Variants in MAF observed in about 807,000 individuals in gnomAD.
MAF encodes MAF bZIP transcription factor, also known as transcription factor Maf.
MAF carries 10 observed loss-of-function variants against 22.0 expected under a neutral mutation model. The observed-to-expected ratio is 0.45, with a 90% confidence interval of 0.28 to 0.77. MAF has a LOEUF of 0.77. Ranked by LOEUF, MAF falls within the 30% of genes least tolerant of loss-of-function variation. The pLI is 0.12. For synonymous variants in MAF, 337 were observed against 255.8 expected, an observed-to-expected ratio of 1.32 and a Z score of -3.03; for missense variants, 544 against 548.4, an observed-to-expected ratio of 0.99 and a Z score of 0.08.
chr16:79,446,718 C>T, the MAF span, among the ~76,000 whole-genome samples: 1 of 150,384 alleles, frequency 6.6e-6, no homozygotes, highest in African/African-American at 2.4e-5. Context: ...TCAAGACCAG[C>T]CTGGGCAGCA....
At chr16:79,258,260 G>A in the MAF span, among the ~76,000 whole-genome samples, 3 of 152,178 alleles carry the variant, frequency 2.0e-5, no homozygotes, top group African/African-American at 2.4e-5. Context: ...CAGTCTGCTC[G>A]TAAAACATGT....
At chr16:79,580,692 C>T in the MAF span, among the ~76,000 whole-genome samples, 1 of 152,044 alleles carries the variant, frequency 6.6e-6, no homozygotes, top group African/African-American at 2.4e-5. Flanking sequence ...TCTTTCTCCT[C>T]CCCTACTGTG....
chr16:79,418,125 A>G, the MAF span, among the ~76,000 whole-genome samples: 1 of 152,170 alleles, frequency 6.6e-6, no homozygotes, highest in Non-Finnish European at 1.5e-5. Context: ...ACCTATCTTC[A>G]TTGCCAGCCT....
the MAF span, among the ~76,000 whole-genome samples, chr16:79,385,527 G>T: frequency 1.3e-5 from 2 of 152,308 alleles, no homozygotes; most frequent in East Asian, 1.9e-4. Flanking sequence ...GCAAGCATGC[G>T]TCTACTTATG....
At chr16:79,373,663 C>T in the MAF span, among the ~76,000 whole-genome samples, 1 of 151,956 alleles carries the variant, frequency 6.6e-6, no homozygotes, top group Non-Finnish European at 1.5e-5. Context: ...CAGGTGTGAG[C>T]CACCGCATCC....
the MAF span, among the ~76,000 whole-genome samples, chr16:79,207,139 G>A: frequency 1.3e-5 from 2 of 152,070 alleles, no homozygotes; most frequent in African/African-American, 4.8e-5. Flanking sequence ...TGTGACATGA[G>A]GGCTCACCCC....
the MAF span, among the ~76,000 whole-genome samples, chr16:79,208,396 G>C: frequency 6.7e-6 from 1 of 149,968 alleles, no homozygotes; most frequent in East Asian, 1.9e-4. Context: ...AAAAAAAATC[G>C]TTTAGGGGAA....
At chr16:79,334,451 C>T in the MAF span, among the ~76,000 whole-genome samples, 19 of 152,068 alleles carry the variant, frequency 1.2e-4, no homozygotes, top group South Asian at 6.2e-4. Context: ...AGATTGTGCC[C>T]GAGGGACCTT....
At chr16:79,207,357 C>T in the MAF span, among the ~76,000 whole-genome samples, 4 of 152,236 alleles carry the variant, frequency 2.6e-5, no homozygotes, top group Non-Finnish European at 5.9e-5. Flanking sequence ...CAAACCTGCT[C>T]ACTTCAGATC....
At chr16:79,269,099 C>T in the MAF span, among the ~76,000 whole-genome samples, 1 of 152,180 alleles carries the variant, frequency 6.6e-6, no homozygotes, top group East Asian at 1.9e-4. Flanking sequence ...ACCCTGGGAC[C>T]TGTCTCTATG....
the MAF span, among the ~76,000 whole-genome samples, chr16:79,248,318 C>G: frequency 3.2e-4 from 49 of 152,284 alleles, no homozygotes; most frequent in Admixed American, 1.5e-3. Context: ...TGCTGTCTTA[C>G]TAATACAATA....
At chr16:79,468,433 T>G in the MAF span, among the ~76,000 whole-genome samples, 1 of 152,222 alleles carries the variant, frequency 6.6e-6, no homozygotes, top group Admixed American at 6.5e-5. Context: ...ATGTGTCCTC[T>G]GGAGGGAGCC....
chr16:79,590,781 G>A (rs963525398), downstream of MAF, among the ~76,000 whole-genome samples: 1 of 152,078 alleles, frequency 6.6e-6, no homozygotes, highest in African/African-American at 2.4e-5. Context: ...CTGTGTTAAA[G>A]TCTGGGCCAT....
downstream of MAF, among the ~76,000 whole-genome samples, chr16:79,582,444 C>G (rs1456656628): frequency 1.3e-5 from 2 of 152,116 alleles, no homozygotes; most frequent in African/African-American, 4.8e-5. Flanking sequence ...TTTAAGTTGG[C>G]TCCTTCAATA....
chr16:79,461,796 G>A, the MAF span, among the ~76,000 whole-genome samples: 1 of 152,174 alleles, frequency 6.6e-6, no homozygotes, highest in Admixed American at 6.5e-5. Flanking sequence ...GGATCCCTAT[G>A]TAAGCGAGAC....
At chr16:79,557,313 G>A in the MAF span, among the ~76,000 whole-genome samples, 1 of 152,036 alleles carries the variant, frequency 6.6e-6, no homozygotes, top group African/African-American at 2.4e-5. Context: ...AAGATCAGCA[G>A]TTTGAGGGTG....
At chr16:79,280,252 C>G in the MAF span, among the ~76,000 whole-genome samples, 21 of 152,206 alleles carry the variant, frequency 1.4e-4, no homozygotes, top group Non-Finnish European at 2.9e-4. Context: ...TTTGATAAAT[C>G]CAGTTTTGTG....
At chr16:79,426,322 C>T in the MAF span, among the ~76,000 whole-genome samples, 1 of 152,222 alleles carries the variant, frequency 6.6e-6, no homozygotes. Context: ...CTGCTGATTA[C>T]ATGACATGAT....
At chr16:79,553,433 G>A in the MAF span, among the ~76,000 whole-genome samples, 1 of 152,246 alleles carries the variant, frequency 6.6e-6, no homozygotes, top group Non-Finnish European at 1.5e-5. Context: ...TGCCTCTCCT[G>A]TTACAGATGC....
Sources: gnomAD v4.1 joint callset for allele counts (sites outside exome capture counted in the v4.1 genomes callset) on GRCh38, gnomAD v4.1.1 for gene constraint, MANE v1.5 for transcripts, NCBI Gene and HGNC (gene_info 2026-07-23, HGNC 2026-07-21) for gene names.